Variants in TAFA2 observed in about 807,000 individuals in gnomAD.
The protein encoded by TAFA2 is TAFA chemokine like family member 2, also known as chemokine-like protein TAFA-2.
TAFA2 carries 7 observed loss-of-function variants against 18.8 expected under a neutral mutation model. The ratio of observed to expected loss-of-function variants is 0.37; its 90% CI spans 0.21 to 0.70. The LOEUF (loss-of-function observed/expected upper bound fraction) is 0.70, where lower values mean the gene tolerates loss of function less well. TAFA2 is among the 30% of genes least tolerant of loss of function. The pLI, the probability that TAFA2 is intolerant of heterozygous loss-of-function variation, is 0.53. For synonymous variants in TAFA2, 60 were observed against 54.2 expected (o/e 1.11, Z -0.47); for missense variants, 122 against 158.1 (o/e 0.77, Z 1.23).
intron 1 of TAFA2, among the ~76,000 whole-genome samples, chr12:61,993,335 G>T (rs1310212766): frequency 6.6e-6 from 1 of 152,098 alleles, no homozygotes; most frequent in Non-Finnish European, 1.5e-5. Flanking sequence ...AGTTTATAAA[G>T]AATGAAAATA....
In TAFA2 at chr12:61,921,240, G is replaced by C. The variant is rs143628934; in HGVS notation, c.-1-53814C>G. On this transcript the variant is annotated intron_variant, in intron 1 of 4. Coordinates refer to ENST00000416284, the MANE Select transcript of TAFA2 (RefSeq NM_178539.5). ...CCAGGTACATTGAGATATTCTGTGG[G>C]GTAGGAAGAGTGCAAGTGAGCCACT... 4.0e-3 allele frequency among the ~76,000 whole-genome samples: 608 copies of C among 152,234 alleles called. 1 individual carries two copies. Among genetic ancestry groups the C allele is most frequent in the Non-Finnish European group, 6.3e-3 (431 of 68,014 alleles).
chr12:61,805,593 G>C (rs1056077100), intron 2 of TAFA2, among the ~76,000 whole-genome samples: 4 of 152,002 alleles, frequency 2.6e-5, no homozygotes, highest in African/African-American at 9.7e-5. Context: ...TAACACCATG[G>C]CTGTGTTAAG....
intron 1 of TAFA2, among the ~76,000 whole-genome samples, chr12:62,249,186 A>AAAG (rs1162509706): frequency 6.6e-6 from 1 of 152,024 alleles, no homozygotes; most frequent in Non-Finnish European, 1.5e-5. Context: ...TTTGTGATAG[A>AAAG]AAGAACAATG....
chr12:62,069,982 C>A (rs1260245852), intron 1 of TAFA2, among the ~76,000 whole-genome samples: 4 of 152,166 alleles, frequency 2.6e-5, no homozygotes, highest in Admixed American at 2.6e-4. Flanking sequence ...CACTTGCATG[C>A]AAGTTTTGGG....
chr12:62,145,272 G>C (rs926492448), intron 1 of TAFA2, among the ~76,000 whole-genome samples: 1 of 152,212 alleles, frequency 6.6e-6, no homozygotes, highest in Non-Finnish European at 1.5e-5. Flanking sequence ...GTAGTCCAGA[G>C]AGCAGTACCG....
intron 1 of TAFA2, among the ~76,000 whole-genome samples, chr12:61,966,834 T>C (rs1363886700): frequency 6.6e-6 from 1 of 151,876 alleles, no homozygotes; most frequent in East Asian, 1.9e-4. Context: ...TTTGAGGTGT[T>C]TCAAACTATG....
In TAFA2 at chr12:61,733,500, G is replaced by T. The variant is rs1012996683; in HGVS notation, c.384+20122C>A. 5.5e-4 allele frequency among the ~76,000 whole-genome samples: 84 copies of T among 151,420 alleles called. 1 individual carries two copies. Among genetic ancestry groups the T allele is most frequent in the African/African-American group, 1.9e-3 (79 of 41,292 alleles). On this transcript the variant is annotated intron_variant, in intron 4 of 4. Coordinates refer to ENST00000416284, the MANE Select transcript of TAFA2 (RefSeq NM_178539.5). ...TCAGCTTTCTACATATGGCTAGCCAGTTTTCCCAGCACCATTTATTAAATA... is the reference window on the plus strand; with the variant it reads ...TCAGCTTTCTACATATGGCTAGCCATTTTTCCCAGCACCATTTATTAAATA...
intron 1 of TAFA2, among the ~76,000 whole-genome samples, chr12:62,137,319 T>TAAATA (rs1870937434): frequency 6.6e-6 from 1 of 152,140 alleles, no homozygotes; most frequent in Non-Finnish European, 1.5e-5. Flanking sequence ...TGCTAAGCCC[T>TAAATA]CTATGAGCTG....
intron 2 of TAFA2, among the ~76,000 whole-genome samples, chr12:61,841,525 C>G (rs924609029): frequency 1.3e-5 from 2 of 152,044 alleles, no homozygotes; most frequent in Non-Finnish European, 2.9e-5. Context: ...ATGCCAATAC[C>G]ATGCTGTTTT....
At chr12:62,132,186 G>A (rs1870714945) in intron 1 of TAFA2, among the ~76,000 whole-genome samples, 1 of 151,272 alleles carries the variant, frequency 6.6e-6, no homozygotes, top group Admixed American at 6.6e-5. Context: ...TAAACAATTC[G>A]AGCTCACATT....
At chr12:62,182,002 T>C (rs1311869055) in intron 1 of TAFA2, among the ~76,000 whole-genome samples, 208 of 117,084 alleles carry the variant, frequency 1.8e-3, no homozygotes, top group African/African-American at 6.9e-3. Flanking sequence ...CCCCCCCCGC[T>C]ACACATAGTA....
chr12:62,056,894 A>G (rs1882201914), intron 1 of TAFA2, among the ~76,000 whole-genome samples: 1 of 152,244 alleles, frequency 6.6e-6, no homozygotes, highest in Non-Finnish European at 1.5e-5. Flanking sequence ...TGTCGTTAGG[A>G]TAAAGTTAGC....
chr12:61,712,480 CAT>C (rs1195388081), intron 4 of TAFA2, among the ~76,000 whole-genome samples: 1 of 151,886 alleles, frequency 6.6e-6, no homozygotes, highest in Admixed American at 6.6e-5. Flanking sequence ...AGAGAAAAAA[CAT>C]AGATATATAC....
At chr12:61,877,311 C>T (rs764695641) in intron 1 of TAFA2, among the ~76,000 whole-genome samples, 7 of 152,222 alleles carry the variant, frequency 4.6e-5, no homozygotes, top group Non-Finnish European at 7.4e-5. Flanking sequence ...TGCCATCAGC[C>T]GCTTTGTTCC....
chr12:61,955,632 A>AATATATTTAT lies in TAFA2; in HGVS notation c.-1-88207_-1-88206insATAAATATAT, dbSNP rs1878655769. On this transcript the variant is annotated intron_variant, in intron 1 of 4. Coordinates refer to ENST00000416284, the MANE Select transcript of TAFA2 (RefSeq NM_178539.5). ...AAAAAAAAAAAAAAAAAAAAAAAAA[A>AATATATTTAT]ATATATATATATATATATATATATA... 4.6e-4 allele frequency among the ~76,000 whole-genome samples: 19 copies of AATATATTTAT among 41,198 alleles called. 1 individual carries two copies. The highest frequency in any genetic ancestry group is 5.9e-4 in the Non-Finnish European group (15 of 25,530). 27.0% of individuals were successfully genotyped at this position (41,198 alleles called of 152,430 possible).
intron 1 of TAFA2, among the ~76,000 whole-genome samples, chr12:62,001,080 C>T (rs1880360391): frequency 6.6e-6 from 1 of 152,176 alleles, no homozygotes; most frequent in African/African-American, 2.4e-5. Context: ...GGGGAAAGAA[C>T]ATTGTAGCAA....
intron 2 of TAFA2, among the ~76,000 whole-genome samples, chr12:61,802,649 C>A (rs1157398089): frequency 6.6e-6 from 1 of 151,848 alleles, no homozygotes; most frequent in Admixed American, 6.6e-5. Context: ...GCAACAGATA[C>A]AAAATTACTA....
At chr12:62,080,337 C>T (rs1868299877) in intron 1 of TAFA2, among the ~76,000 whole-genome samples, 1 of 152,094 alleles carries the variant, frequency 6.6e-6, no homozygotes, top group Non-Finnish European at 1.5e-5. Context: ...TCTTAAAGTC[C>T]CTTTTATTCA....
chr12:62,058,059 G>A (rs1882232275), intron 1 of TAFA2, among the ~76,000 whole-genome samples: 1 of 152,140 alleles, frequency 6.6e-6, no homozygotes, highest in Non-Finnish European at 1.5e-5. Context: ...AAACTGATTT[G>A]TTGAATATAA....
Sources: allele counts gnomAD v4.1 joint callset (sites outside exome capture counted in the v4.1 genomes callset), GRCh38; gene constraint gnomAD v4.1.1; transcripts MANE v1.5; gene names NCBI Gene and HGNC (gene_info 2026-07-23, HGNC 2026-07-21).